Variants in PSG1 observed in about 807,000 individuals in gnomAD.
PSG1 encodes pregnancy specific beta-1-glycoprotein 1.
Under a neutral mutation model 41.4 loss-of-function variants are expected in PSG1, and 60 were observed. The observed-to-expected ratio is 1.45, with a 90% CI of 1.18 to 1.80. The LOEUF is 1.80. Ranked by LOEUF, PSG1 falls within the 40% of genes most tolerant of loss-of-function variation. The probability of loss-of-function intolerance (pLI) is 0.00; values close to 1 mark genes in which losing one functional copy is unlikely to be tolerated. For missense variants in PSG1, 806 were observed against 516.9 expected (o/e 1.56, Z -5.42); for synonymous variants, 256 against 192.9 (o/e 1.33, Z -2.71).
At position 42,867,029 on chromosome 19, in the gene PSG1, T is replaced by A. The variant is rs745739533; in HGVS notation, c.*105A>T. ...ACGTACAAGGGTTTTCCCATGAAATTTACATTGAGTTGTCCACCTCCAGCT... is the reference window on the plus strand; with the variant it reads ...ACGTACAAGGGTTTTCCCATGAAATATACATTGAGTTGTCCACCTCCAGCT... On this transcript the variant is annotated 3_prime_UTR_variant, in exon 6 of 6. Coordinates refer to ENST00000436291, the MANE Select transcript of PSG1 (RefSeq NM_001184825.2). 15 of 767,900 alleles carry A rather than the reference T, an allele frequency of 2.0e-5. No individual in the cohort carries two copies. Among genetic ancestry groups the A allele is most frequent in the Non-Finnish European group, 3.4e-5 (14 of 417,504 alleles). The allele number at this position is 767,900 out of a possible 1,614,324, so 47.6% of individuals were successfully genotyped here.
chr19:42,878,413 A>G (rs1971716241), intron 1 of PSG1, 135 bp from the exon 2 acceptor site: 1 of 1,298,968 alleles, frequency 7.7e-7, no homozygotes, highest in South Asian at 1.5e-5. Context: ...ACAAACACAC[A>G]CACACACACA....
chr19:42,874,271 A>G (rs1468066802), intron 2 of PSG1: 1 of 151,616 alleles, frequency 6.6e-6, no homozygotes, highest in Admixed American at 6.6e-5. Flanking sequence ...CTGTTGACAC[A>G]TCCTCAAGCT....
At chr19:42,877,023 A>G (rs1843031172) in intron 2 of PSG1, among the ~76,000 whole-genome samples, 2 of 151,538 alleles carry the variant, frequency 1.3e-5, no homozygotes, top group East Asian at 1.9e-4. Flanking sequence ...AATAAGCTAA[A>G]TGGCAAATGG....
rs536365350 is a variant in PSG1 at position 42,869,337 on chromosome 19, A to G, written c.710-303T>C. 256 of 531,798 alleles carry G rather than the reference A, an allele frequency of 4.8e-4. 4 individuals are homozygous for G. The South Asian group carries it at 5.2e-3, about 11-fold the overall frequency. The allele number at this position is 531,798 out of a possible 1,614,324, so 32.9% of individuals were successfully genotyped here. A position where few individuals can be genotyped will look rare whatever the true frequency, so the allele number is the denominator to read the frequency against. ...TGGTACCCTTCCCAGGCCCTCCCTAATCAGTTGACTGGCTGGCTCACCTTG... is the reference window on the plus strand; with the variant it reads ...TGGTACCCTTCCCAGGCCCTCCCTAGTCAGTTGACTGGCTGGCTCACCTTG... On this transcript the variant is annotated intron_variant, in intron 3 of 5. Coordinates refer to ENST00000436291, the MANE Select transcript of PSG1 (RefSeq NM_001184825.2).
rs758548111 is a variant in PSG1 at position 42,868,021 on chromosome 19, A to C, written c.1243+80T>G. ...CCATGGGACACAGGCTGGGAATACAATTGTTTTCCTGACTCTTCTCTGAAT... is the reference window on the plus strand; with the variant it reads ...CCATGGGACACAGGCTGGGAATACACTTGTTTTCCTGACTCTTCTCTGAAT... On this transcript the variant is annotated intron_variant, in intron 5 of 5. Transcript: ENST00000436291. 5 of 1,610,684 alleles carry C rather than the reference A, an allele frequency of 3.1e-6. No homozygotes were observed. In the East Asian group the frequency reaches 1.1e-4, roughly 36 times the overall value.
At chr19:42,873,496 A>T (rs1267248908) in intron 2 of PSG1, among the ~76,000 whole-genome samples, 1 of 151,724 alleles carries the variant, frequency 6.6e-6, no homozygotes, top group Non-Finnish European at 1.5e-5. Context: ...TAACAAAAAA[A>T]ATTTGGAGGA....
intron 5 of PSG1, 137 bp downstream of exon 5, chr19:42,867,964 G>A (rs554644278): frequency 6.3e-7 from 1 of 1,594,716 alleles, no homozygotes; most frequent in Non-Finnish European, 8.5e-7. Flanking sequence ...AATTTGGAGG[G>A]TTCAGGAGGA....
chr19:42,872,751 A>G (rs1272097586), intron 2 of PSG1, among the ~76,000 whole-genome samples: 3 of 151,742 alleles, frequency 2.0e-5, no homozygotes, highest in African/African-American at 7.3e-5. Context: ...CTTTGGACCA[A>G]GACCATGTTC....
rs1971151351 is a variant in PSG1 at position 42,866,685 on chromosome 19, G to A, written c.*449C>T. 2 of 350,540 alleles carry A rather than the reference G, an allele frequency of 5.7e-6. No individual in the cohort carries two copies. The highest frequency in any genetic ancestry group is 5.6e-5 in the East Asian group (1 of 17,706). The allele number at this position is 350,540 out of a possible 1,614,324, so 21.7% of individuals were successfully genotyped here. On this transcript the variant is annotated 3_prime_UTR_variant, in exon 6 of 6. Coordinates refer to ENST00000436291, the MANE Select transcript of PSG1 (RefSeq NM_001184825.2). Reference sequence around the variant, plus strand: ...TATTGGGAGCCCTGTATGCAAGGTGGAGAGAGCCACATTTCCCCCTGAGAT... The same window carrying A: ...TATTGGGAGCCCTGTATGCAAGGTGAAGAGAGCCACATTTCCCCCTGAGAT...
At chr19:42,878,611 C>T (rs1971727912) in intron 1 of PSG1, among the ~76,000 whole-genome samples, 1 of 142,208 alleles carries the variant, frequency 7.0e-6, no homozygotes, top group Non-Finnish European at 1.5e-5. Context: ...CTGCTTACAT[C>T]AGGGCATCGT....
At chr19:42,874,429 C>G (rs762489755) in intron 2 of PSG1, among the ~76,000 whole-genome samples, 1 of 151,590 alleles carries the variant, frequency 6.6e-6, no homozygotes, top group Non-Finnish European at 1.5e-5. Flanking sequence ...TCACTGCAAG[C>G]TCTGCCTCCT....
At chr19:42,879,140 T>TC (rs1971754190) in intron 1 of PSG1, among the ~76,000 whole-genome samples, 1 of 145,922 alleles carries the variant, frequency 6.9e-6, no homozygotes, top group African/African-American at 2.6e-5. Context: ...GAGCCTTCTT[T>TC]CCTTTTTTTC....
rs186287086 is a variant in PSG1, at chr19:42,866,755, T to C, written c.*379A>G. On this transcript the variant is annotated 3_prime_UTR_variant, in exon 6 of 6. Coordinates refer to ENST00000436291, the MANE Select transcript of PSG1 (RefSeq NM_001184825.2). Reference sequence around the variant, plus strand: ...TTGAGATGACATATCTGACACTCTGTTGTTACTCTCAGAAGCTACTACATG... The same window carrying C: ...TTGAGATGACATATCTGACACTCTGCTGTTACTCTCAGAAGCTACTACATG... 1.6e-4 allele frequency: 81 copies of C among 493,386 alleles called. 1 individual carries two copies. Among genetic ancestry groups the C allele is most frequent in the South Asian group, 1.2e-3 (50 of 40,270 alleles). 30.6% of individuals were successfully genotyped at this position (493,386 alleles called of 1,614,324 possible).
chr19:42,871,575 C>A (rs1288492309), intron 3 of PSG1, among the ~76,000 whole-genome samples, 192 bp downstream of exon 3: 8 of 151,638 alleles, frequency 5.3e-5, no homozygotes, highest in Non-Finnish European at 1.2e-4. Flanking sequence ...ATGACAGGAG[C>A]AGCCTCTTTT....
rs576598478 is a variant in PSG1, at chr19:42,868,287, A to G, written c.1057T>C (p.Ser353Pro). 3.1e-6 allele frequency: 5 copies of G among 1,612,282 alleles called. No individual in the cohort carries two copies. In the African/African-American group the frequency reaches 5.4e-5, roughly 17 times the overall value. ...GGTGGGTTAGAGTCCGCAGAACAGG[A>G]CAAGTAGAGGACTTCTCCTGAACGG... The part of the protein sequence containing the change: ...YYRSGEVLYL[S>P]CSADSNPPAQ... Residue 353 changes from serine (S) to proline (P), a missense_variant, in exon 5 of 6, where the codon TCC becomes CCC. Coordinates refer to ENST00000436291, the MANE Select transcript of PSG1 (RefSeq NM_001184825.2).
chr19:42,870,123 G>T (rs1311849787), intron 3 of PSG1: 21 of 151,832 alleles, frequency 1.4e-4, no homozygotes, highest in African/African-American at 3.9e-4. Flanking sequence ...TGCAGTTTCA[G>T]TTATGCAAGG....
At position 42,876,432 on chromosome 19, in the gene PSG1, GA is replaced by G. The variant is rs768525267; in HGVS notation, c.430+1480del. On this transcript the variant is annotated intron_variant, in intron 2 of 5. Coordinates refer to ENST00000436291, the MANE Select transcript of PSG1 (RefSeq NM_001184825.2). ...GGATGAAACATGGATGTCAGCCTCT[GA>G]AGGACAAGGGACAGGTGTGGCTAGA... 8.8e-4 allele frequency among the ~76,000 whole-genome samples: 133 copies of G among 151,584 alleles called. 4 individuals are homozygous for G. The highest frequency in any genetic ancestry group is 1.7e-3 in the South Asian group (8 of 4,750).
At chr19:42,878,415 A>G in intron 1 of PSG1, 137 bp from the exon 2 acceptor site, 1 of 1,302,348 alleles carries the variant, frequency 7.7e-7, no homozygotes, top group Non-Finnish European at 1.0e-6. Context: ...AAACACACAC[A>G]CACACACACA....
chr19:42,875,878 A>G (rs1359985565), intron 2 of PSG1, among the ~76,000 whole-genome samples: 15 of 137,790 alleles, frequency 1.1e-4, no homozygotes, highest in African/African-American at 4.1e-4. Flanking sequence ...CAATTATGAG[A>G]GTGGATGGAG....
Sources: allele counts gnomAD v4.1 joint callset (sites outside exome capture counted in the v4.1 genomes callset), GRCh38; gene constraint gnomAD v4.1.1; transcripts MANE v1.5; gene names NCBI Gene and HGNC (gene_info 2026-07-23, HGNC 2026-07-21).